The following SRD5A2 variants were observed in gnomAD, a reference collection of about 807,000 sequenced individuals.
SRD5A2 encodes 3-oxo-5-alpha-steroid 4-dehydrogenase 2.
Under a neutral mutation model 27.4 loss-of-function variants are expected in SRD5A2, and 30 were observed. The ratio of observed to expected loss-of-function variants is 1.10; its 90% CI spans 0.82 to 1.49. SRD5A2 has a LOEUF of 1.49. Among genes scored for constraint, SRD5A2 ranks in the 40% most tolerant of loss-of-function variants. The pLI is 0.00. For missense variants in SRD5A2, 348 were observed against 323.4 expected, an observed-to-expected ratio of 1.08 and a Z score of -0.58; for synonymous variants, 141 against 133.6, an observed-to-expected ratio of 1.06 and a Z score of -0.38.
chr2:31,525,141 T>A lies in SRD5A2; in HGVS notation c.*1055A>T. 4.5e-6 allele frequency: 1 copy of A among 220,130 alleles called. No homozygotes were observed. Among genetic ancestry groups the A allele is most frequent in the Non-Finnish European group, 9.1e-6 (1 of 109,694 alleles). 13.6% of individuals were successfully genotyped at this position (220,130 alleles called of 1,614,324 possible). On this transcript the variant is annotated 3_prime_UTR_variant, in exon 5 of 5. Transcript: ENST00000622030. ...ATTTTCAGTCTCTGCCTGCAGGTCC[T>A]TTGAGGGAGGCATTCAGGCTGCCCC...
chr2:31,590,776 C>T, the SRD5A2 span, among the ~76,000 whole-genome samples: 2 of 152,060 alleles, frequency 1.3e-5, no homozygotes, highest in African/African-American at 4.8e-5. Flanking sequence ...AATAATGCCA[C>T]ATATATATAA....
chr2:31,631,928 G>A, the SRD5A2 span, among the ~76,000 whole-genome samples: 2 of 152,102 alleles, frequency 1.3e-5, no homozygotes, highest in East Asian at 3.9e-4. Flanking sequence ...AGGAAAACTA[G>A]GAAGAAGCCT....
At chr2:31,656,906 A>C in the SRD5A2 span, among the ~76,000 whole-genome samples, 1 of 152,246 alleles carries the variant, frequency 6.6e-6, no homozygotes, top group South Asian at 2.1e-4. Flanking sequence ...CCATAGCCCC[A>C]GTATAATCAT....
the SRD5A2 span, among the ~76,000 whole-genome samples, chr2:31,586,056 A>G: frequency 6.6e-6 from 1 of 151,922 alleles, no homozygotes; most frequent in Non-Finnish European, 1.5e-5. Context: ...TATTATTATT[A>G]TTATTTCAAT....
chr2:31,579,921 T>A (rs1270585382), intron 1 of SRD5A2, among the ~76,000 whole-genome samples: 2 of 152,174 alleles, frequency 1.3e-5, no homozygotes, highest in African/African-American at 4.8e-5. Context: ...CCACTCACAT[T>A]TCAAGTCCCA....
At chr2:31,653,611 T>C in the SRD5A2 span, among the ~76,000 whole-genome samples, 2 of 152,194 alleles carry the variant, frequency 1.3e-5, no homozygotes, top group Non-Finnish European at 2.9e-5. Flanking sequence ...CTTTGTCCTC[T>C]TGCAAGGAGA....
the SRD5A2 span, among the ~76,000 whole-genome samples, chr2:31,656,502 C>T: frequency 6.6e-6 from 1 of 152,148 alleles, no homozygotes; most frequent in Non-Finnish European, 1.5e-5. Flanking sequence ...TGAGAATTGA[C>T]TAAGTAACAA....
At chr2:31,660,033 T>C in the SRD5A2 span, among the ~76,000 whole-genome samples, 1 of 152,124 alleles carries the variant, frequency 6.6e-6, no homozygotes, top group Non-Finnish European at 1.5e-5. Flanking sequence ...CAGTGCTTTT[T>C]TTCATTTCAG....
chr2:31,573,031 C>G (rs1666883305), intron 1 of SRD5A2, among the ~76,000 whole-genome samples: 1 of 152,060 alleles, frequency 6.6e-6, no homozygotes, highest in South Asian at 2.1e-4. Context: ...AAGTATAAGG[C>G]AAATTTAAGT....
chr2:31,559,583 T>G (rs1294018740), intron 1 of SRD5A2, among the ~76,000 whole-genome samples: 1 of 151,764 alleles, frequency 6.6e-6, no homozygotes, highest in Non-Finnish European at 1.5e-5. Flanking sequence ...AAATTGCTCT[T>G]AAAAAAAGAA....
the SRD5A2 span, among the ~76,000 whole-genome samples, chr2:31,655,643 T>C: frequency 2.0e-5 from 3 of 152,190 alleles, no homozygotes; most frequent in South Asian, 4.2e-4. Flanking sequence ...ATCAGCAAGA[T>C]AAATCGTCCC....
chr2:31,613,473 A>G, the SRD5A2 span, among the ~76,000 whole-genome samples: 2 of 152,344 alleles, frequency 1.3e-5, no homozygotes, highest in South Asian at 4.1e-4. Context: ...ATATCACCTC[A>G]CATCTTTTAG....
the SRD5A2 span, among the ~76,000 whole-genome samples, chr2:31,624,702 G>A: frequency 6.6e-6 from 1 of 152,196 alleles, no homozygotes; most frequent in Middle Eastern, 3.4e-3. Flanking sequence ...CTTTTTCATG[G>A]CCACATAGTA....
At chr2:31,607,477 A>G in the SRD5A2 span, among the ~76,000 whole-genome samples, 1 of 151,966 alleles carries the variant, frequency 6.6e-6, no homozygotes, top group South Asian at 2.1e-4. Flanking sequence ...ATAGATGAGA[A>G]GAAAGTGGAA....
At chr2:31,557,215 G>A (rs531987561) in intron 1 of SRD5A2, among the ~76,000 whole-genome samples, 1 of 152,314 alleles carries the variant, frequency 6.6e-6, no homozygotes, top group South Asian at 2.1e-4. Context: ...ATATTAAAGG[G>A]GAGGAATCAC....
At chr2:31,660,888 A>T in the SRD5A2 span, among the ~76,000 whole-genome samples, 1 of 152,186 alleles carries the variant, frequency 6.6e-6, no homozygotes, top group Non-Finnish European at 1.5e-5. Flanking sequence ...TCCATGAGTA[A>T]TTCAGACAGT....
At chr2:31,650,181 A>G in the SRD5A2 span, among the ~76,000 whole-genome samples, 1 of 152,184 alleles carries the variant, frequency 6.6e-6, no homozygotes, top group South Asian at 2.1e-4. Flanking sequence ...ACCTGCAGAC[A>G]TAGACCTCCC....
At chr2:31,606,215 A>G in the SRD5A2 span, among the ~76,000 whole-genome samples, 2 of 151,892 alleles carry the variant, frequency 1.3e-5, no homozygotes, top group Admixed American at 6.6e-5. Context: ...AATGAGTAAG[A>G]CCTACTAATT....
At chr2:31,548,102 G>C (rs1666300545) in intron 1 of SRD5A2, among the ~76,000 whole-genome samples, 1 of 151,800 alleles carries the variant, frequency 6.6e-6, no homozygotes, top group African/African-American at 2.4e-5. Flanking sequence ...ACTCAAAATT[G>C]ATCAAAGACC....
Sources: gnomAD v4.1 joint callset for allele counts (sites outside exome capture counted in the v4.1 genomes callset) on GRCh38, gnomAD v4.1.1 for gene constraint, MANE v1.5 for transcripts, NCBI Gene and HGNC (gene_info 2026-07-23, HGNC 2026-07-21) for gene names.